The following SLCO5A1 variants were observed in gnomAD, a reference collection of about 807,000 sequenced individuals.
The protein encoded by SLCO5A1 is organic anion transporter polypeptide-related protein 4.
SLCO5A1 carries 39 observed loss-of-function variants against 65.1 expected under a neutral mutation model. The ratio of observed to expected loss-of-function variants is 0.60; its 90% CI spans 0.46 to 0.78. SLCO5A1 has a LOEUF of 0.78. SLCO5A1 is among the 30% of genes least tolerant of loss of function. The probability of loss-of-function intolerance (pLI) is 0.00; values close to 1 mark genes in which losing one functional copy is unlikely to be tolerated. For missense variants in SLCO5A1, 1,029 were observed against 1,069.4 expected, an observed-to-expected ratio of 0.96 and a Z score of 0.53; for synonymous variants, 438 against 415.7, an observed-to-expected ratio of 1.05 and a Z score of -0.65.
At chr8:69,813,207 A>G (rs1195481942) in intron 2 of SLCO5A1, among the ~76,000 whole-genome samples, 9 of 152,040 alleles carry the variant, frequency 5.9e-5, no homozygotes, top group Non-Finnish European at 1.0e-4. Context: ...TAAAAAAAAA[A>G]GTATCTTAAA....
At chr8:69,821,427 G>A (rs2130920322) in intron 2 of SLCO5A1, among the ~76,000 whole-genome samples, 1 of 151,596 alleles carries the variant, frequency 6.6e-6, no homozygotes, top group Non-Finnish European at 1.5e-5. Flanking sequence ...AGAAGAAGAG[G>A]AAGAAGGAGG....
At position 69,705,192 on chromosome 8, in the gene SLCO5A1, G is replaced by T; in HGVS notation, c.1461C>A (p.Val487=). 1.2e-6 allele frequency: 2 copies of T among 1,614,110 alleles called. No individual in the cohort carries two copies. The highest frequency in any genetic ancestry group is 1.6e-4 in the Middle Eastern group (1 of 6,062). The part of the protein sequence containing the change: ...IIVPSAGVGI[V]LGGYIIKKLK... The stretch of plus-strand genomic sequence containing the variant: ...ATTTTTTTATAATGTAGCCTCCGAG[G>T]ACAATACCAACACCAGCACTGGGGA... The change falls in exon 6 of 10, where the codon GTC becomes GTA. Residue 487 remains valine (V), a synonymous_variant. Transcript: ENST00000260126.
At chr8:69,718,342 T>C (rs1815653468) in intron 5 of SLCO5A1, among the ~76,000 whole-genome samples, 1 of 152,246 alleles carries the variant, frequency 6.6e-6, no homozygotes, top group African/African-American at 2.4e-5. Flanking sequence ...TAAATATAAA[T>C]AGCTTTACTT....
At chr8:69,796,346 G>A (rs1055044760) in intron 2 of SLCO5A1, among the ~76,000 whole-genome samples, 1 of 151,910 alleles carries the variant, frequency 6.6e-6, no homozygotes, top group Admixed American at 6.6e-5. Flanking sequence ...AGGTGCAGTG[G>A]CTCACACCTG....
chr8:69,828,065 T>C (rs1820995511), intron 2 of SLCO5A1, among the ~76,000 whole-genome samples: 1 of 152,152 alleles, frequency 6.6e-6, no homozygotes, highest in Non-Finnish European at 1.5e-5. Context: ...GTAAGTCACT[T>C]AAACTCTCTG....
intron 6 of SLCO5A1, among the ~76,000 whole-genome samples, chr8:69,684,777 A>C (rs1298396125): frequency 6.8e-6 from 1 of 146,414 alleles, no homozygotes; most frequent in Non-Finnish European, 1.5e-5. Context: ...TTGCTCTTGA[A>C]TTCTTTCCTG....
At chr8:69,692,756 T>C (rs35338948) in intron 6 of SLCO5A1, among the ~76,000 whole-genome samples, 6,221 of 152,250 alleles carry the variant, frequency 0.041, 252 homozygotes, top group African/African-American at 0.1. Context: ...TGTCTCAAGA[T>C]CTTCACGGAC....
At position 69,672,741 on chromosome 8, in the gene SLCO5A1, G is replaced by T. The variant is rs1813377662; in HGVS notation, c.*128C>A. ...AATGAATAGCGGCTGTGTATACTGA[G>T]TTTTGTTGGTTTGAGGATTGTGTCT... On this transcript the variant is annotated 3_prime_UTR_variant, in exon 10 of 10. Coordinates refer to ENST00000260126, the MANE Select transcript of SLCO5A1 (RefSeq NM_030958.3). The T allele has an allele frequency of 1.9e-6, 2 of 1,034,754 alleles. No individual in the cohort carries two copies. Among genetic ancestry groups the T allele is most frequent in the Non-Finnish European group, 1.4e-6 (1 of 733,964 alleles). 64.1% of individuals were successfully genotyped at this position (1,034,754 alleles called of 1,614,324 possible).
chr8:69,826,838 A>G (rs2130925996), intron 2 of SLCO5A1, among the ~76,000 whole-genome samples: 1 of 152,262 alleles, frequency 6.6e-6, no homozygotes, highest in South Asian at 2.1e-4. Context: ...CTATAAAGAC[A>G]CATGCACATG....
At chr8:69,768,840 C>T (rs562720598) in intron 2 of SLCO5A1, among the ~76,000 whole-genome samples, 2 of 152,114 alleles carry the variant, frequency 1.3e-5, no homozygotes, top group South Asian at 4.2e-4. Flanking sequence ...AGATACCAAC[C>T]CAACTGAAGC....
intron 9 of SLCO5A1, among the ~76,000 whole-genome samples, chr8:69,674,971 C>T (rs1813489926): frequency 6.6e-6 from 1 of 151,220 alleles, no homozygotes; most frequent in Non-Finnish European, 1.5e-5. Context: ...ACCCTAGAGG[C>T]AGAGGTTGCA....
chr8:69,790,592 C>T (rs1265637096), intron 2 of SLCO5A1, among the ~76,000 whole-genome samples: 3 of 151,946 alleles, frequency 2.0e-5, no homozygotes, highest in African/African-American at 7.2e-5. Context: ...GTGAGCTATG[C>T]TTGTGCCTGT....
chr8:69,796,562 A>G (rs1819508999), intron 2 of SLCO5A1, among the ~76,000 whole-genome samples: 1 of 152,040 alleles, frequency 6.6e-6, no homozygotes, highest in Non-Finnish European at 1.5e-5. Context: ...GTCTACAGTG[A>G]GCCATGATCA....
intron 5 of SLCO5A1, among the ~76,000 whole-genome samples, chr8:69,737,216 C>T (rs1160514906): frequency 2.0e-5 from 3 of 152,140 alleles, no homozygotes; most frequent in Non-Finnish European, 4.4e-5. Flanking sequence ...TCAGATAATT[C>T]AAGTTTACTG....
At chr8:69,771,938 C>A (rs1005955706) in intron 2 of SLCO5A1, among the ~76,000 whole-genome samples, 1 of 152,200 alleles carries the variant, frequency 6.6e-6, no homozygotes, top group Non-Finnish European at 1.5e-5. Context: ...TCAGCTCCAG[C>A]CTGGCCCTGG....
rs1215583314 is a variant in SLCO5A1, at chr8:69,679,384, G to A, written c.2018C>T (p.Thr673Ile). Reference protein sequence around the residue: ...ACAQPSAIIVTLRSVEDEERP... With the variant: ...ACAQPSAIIVILRSVEDEERP... Reference sequence around the variant, plus strand: ...AGTTGAATGCTGTTCTCACCTGAGTGTTACTATGATAGCTGATGGTTGGGC... The same window carrying A: ...AGTTGAATGCTGTTCTCACCTGAGTATTACTATGATAGCTGATGGTTGGGC... Residue 673 changes from threonine (T) to isoleucine (I), a missense_variant, in exon 8 of 10, where the codon ACA becomes ATA. Physicochemically the swap from Thr to Ile is moderately conservative, Grantham distance 89 (BLOSUM62 -1). Coordinates refer to ENST00000260126, the MANE Select transcript of SLCO5A1 (RefSeq NM_030958.3). 3.1e-6 allele frequency: 5 copies of A among 1,614,060 alleles called. No homozygotes were observed. Among genetic ancestry groups the A allele is most frequent in the African/African-American group, 1.3e-5 (1 of 74,924 alleles).
chr8:69,736,578 G>C (rs1586741856), intron 5 of SLCO5A1, among the ~76,000 whole-genome samples: 1 of 152,168 alleles, frequency 6.6e-6, no homozygotes, highest in Non-Finnish European at 1.5e-5. Flanking sequence ...TGAAAAAGAT[G>C]CCTCTAAAAA....
intron 2 of SLCO5A1, among the ~76,000 whole-genome samples, chr8:69,830,067 A>G (rs1821095232): frequency 6.6e-6 from 1 of 152,206 alleles, no homozygotes; most frequent in Admixed American, 6.5e-5. Context: ...ATGGTAAGCA[A>G]GCTATTCTTC....
chr8:69,674,234 G>T (rs76287759), intron 9 of SLCO5A1, among the ~76,000 whole-genome samples: 1 of 152,050 alleles, frequency 6.6e-6, no homozygotes, highest in Admixed American at 6.5e-5. Flanking sequence ...CTTCTTCAAG[G>T]CAGGGGCCAC....
Sources: gnomAD v4.1 joint callset for allele counts (sites outside exome capture counted in the v4.1 genomes callset) on GRCh38, gnomAD v4.1.1 for gene constraint, MANE v1.5 for transcripts, NCBI Gene and HGNC (gene_info 2026-07-23, HGNC 2026-07-21) for gene names.